The following VPS11 variants were observed in gnomAD, a reference collection of about 807,000 sequenced individuals.
VPS11 encodes the protein vacuolar protein sorting-associated protein 11 homolog.
VPS11 carries 51 observed loss-of-function variants against 106.8 expected under a neutral mutation model. That is an observed-to-expected ratio of 0.48 (90% CI 0.38 to 0.60). VPS11 has a LOEUF of 0.60. Ranked by LOEUF, VPS11 falls within the 20% of genes least tolerant of loss-of-function variation. VPS11 has a pLI of 0.00. For synonymous variants in VPS11, 453 were observed against 458.7 expected, an observed-to-expected ratio of 0.99 and a Z score of 0.16; for missense variants, 950 against 1,190.0, an observed-to-expected ratio of 0.80 and a Z score of 2.97.
Position 119,081,832 on chromosome 11 carries a change from C to A in VPS11, c.*209C>A. ...CCTCCTCTTCACTAGCAGTGTAGAT[C>A]ATTCCAGATCAGTGGGGGAGGGCAC... On this transcript the variant is annotated 3_prime_UTR_variant, in exon 16 of 16. Transcript: ENST00000621676. 1 of 661,198 alleles carries A rather than the reference C, an allele frequency of 1.5e-6. No individual in the cohort carries two copies. Among genetic ancestry groups the A allele is most frequent in the Non-Finnish European group, 2.5e-6 (1 of 401,452 alleles). 41.0% of individuals were successfully genotyped at this position (661,198 alleles called of 1,614,324 possible).
Position 119,069,858 on chromosome 11 carries a change from T to C in VPS11, c.472+281T>C, listed in dbSNP as rs140791503. On this transcript the variant is annotated intron_variant, in intron 3 of 15. Coordinates refer to ENST00000621676, the MANE Select transcript of VPS11 (RefSeq NM_021729.6). ...TACTAAAAATACAAAATTAGTTGGGTGTAGTGGCACATGCCTGTAATCCCA... is the reference window on the plus strand; with the variant it reads ...TACTAAAAATACAAAATTAGTTGGGCGTAGTGGCACATGCCTGTAATCCCA... 8.7e-4 allele frequency among the ~76,000 whole-genome samples: 132 copies of C among 151,852 alleles called. No homozygotes were observed. The East Asian group carries it at 0.016, about 18-fold the overall frequency.
intron 4 of VPS11, 101 bp downstream of exon 4, chr11:119,070,498 GT>G (rs1258336906): frequency 8.0e-7 from 1 of 1,246,126 alleles, no homozygotes; most frequent in Non-Finnish European, 1.1e-6. Flanking sequence ...GAGTGTTAAA[GT>G]TTTAATCATA....
chr11:119,070,146 C>G, intron 3 of VPS11, 88 bp from the exon 4 acceptor site: 1 of 1,383,040 alleles, frequency 7.2e-7, no homozygotes, highest in Non-Finnish European at 9.8e-7. Context: ...AAGCTTGTCA[C>G]TTCTGAGTGC....
At position 119,070,374 on chromosome 11, in the gene VPS11, G is replaced by T; in HGVS notation, c.613G>T (p.Val205Phe). 2 of 1,613,224 alleles carry T rather than the reference G, an allele frequency of 1.2e-6. No individual in the cohort carries two copies. Among genetic ancestry groups the T allele is most frequent in the Non-Finnish European group, 1.7e-6 (2 of 1,179,470 alleles). ...RQAGKTTHLF[V>F]VTTENVQSYI... ...AGCAGGAAAGACCACTCACTTGTTTGTTGTGACAACAGAGAACGTCCAGGT... is the reference window on the plus strand; with the variant it reads ...AGCAGGAAAGACCACTCACTTGTTTTTTGTGACAACAGAGAACGTCCAGGT... Residue 205 changes from valine (V) to phenylalanine (F), a missense_variant, in exon 4 of 16, where the codon GTT becomes TTT. Coordinates refer to ENST00000621676, the MANE Select transcript of VPS11 (RefSeq NM_021729.6).
chr11:119,077,422 C>G (rs1945666639), intron 8 of VPS11, 79 bp from the exon 9 acceptor site: 2 of 1,531,022 alleles, frequency 1.3e-6, no homozygotes, highest in South Asian at 1.2e-5. Flanking sequence ...CCTTAGGAAT[C>G]TGAAAGTCAG....
At position 119,081,842 on chromosome 11, in the gene VPS11, C is replaced by G; in HGVS notation, c.*219C>G. 1 of 630,038 alleles carries G rather than the reference C, an allele frequency of 1.6e-6. No homozygotes were observed. The highest frequency in any genetic ancestry group is 2.6e-6 in the Non-Finnish European group (1 of 378,202). The allele number at this position is 630,038 out of a possible 1,614,324, so 39.0% of individuals were successfully genotyped here. The stretch of plus-strand genomic sequence containing the variant: ...ACTAGCAGTGTAGATCATTCCAGAT[C>G]AGTGGGGGAGGGCACCTCAGCAACC... On this transcript the variant is annotated 3_prime_UTR_variant, in exon 16 of 16. Coordinates refer to ENST00000621676, the MANE Select transcript of VPS11 (RefSeq NM_021729.6).
intron 14 of VPS11, among the ~76,000 whole-genome samples, 166 bp from the exon 15 acceptor site, chr11:119,080,926 G>A (rs1464538886): frequency 2.6e-5 from 4 of 152,220 alleles, no homozygotes; most frequent in Non-Finnish European, 5.9e-5. Context: ...GTCCAGGGCT[G>A]TTGTATTCAT....
chr11:119,078,004 C>T lies in VPS11; in HGVS notation c.1699C>T (p.Leu567Phe). Reference protein sequence around the residue: ...PEQTTQLLKGLCTDYRPSLEG... With the variant: ...PEQTTQLLKGFCTDYRPSLEG... ...GCAGACAACTCAGTTGCTGAAGGGACTTTGTACTGATTATCGGCCCAGCCT... is the reference window on the plus strand; with the variant it reads ...GCAGACAACTCAGTTGCTGAAGGGATTTTGTACTGATTATCGGCCCAGCCT... Residue 567 changes from leucine to phenylalanine, a missense_variant, in exon 10 of 16, where the codon CTT (leucine) becomes TTT (phenylalanine). Physicochemically the swap from Leu to Phe is conservative, Grantham distance 22 (BLOSUM62 0). This residue lies in a region of VPS11 where 453 missense variants were observed against 514.6 expected (regional missense o/e 0.88). Transcript: ENST00000621676. 6.2e-7 allele frequency: 1 copy of T among 1,613,714 alleles called. No individual in the cohort carries two copies. The highest frequency in any genetic ancestry group is 8.5e-7 in the Non-Finnish European group (1 of 1,179,880).
intron 14 of VPS11, among the ~76,000 whole-genome samples, chr11:119,079,562 A>G (rs1945771635): frequency 1.3e-5 from 2 of 152,082 alleles, no homozygotes; most frequent in Non-Finnish European, 2.9e-5. Context: ...ACACATCCGT[A>G]TTGTGGTTGG....
chr11:119,081,701 G>C lies in VPS11; in HGVS notation c.*78G>C. 4.5e-6 allele frequency: 7 copies of C among 1,538,616 alleles called. No individual in the cohort carries two copies. The highest frequency in any genetic ancestry group is 5.3e-6 in the Non-Finnish European group (6 of 1,138,252). On this transcript the variant is annotated 3_prime_UTR_variant, in exon 16 of 16. Coordinates refer to ENST00000621676, the MANE Select transcript of VPS11 (RefSeq NM_021729.6). The stretch of plus-strand genomic sequence containing the variant: ...ATGGGACCTGGGCGGGCGTTACACA[G>C]AAGGCTGGCTGACATGCCCAGGGCT...
In VPS11 at chr11:119,077,882, A is replaced by G. The variant is rs976705036; in HGVS notation, c.1577A>G (p.Tyr526Cys). 1.1e-5 allele frequency: 17 copies of G among 1,613,944 alleles called. No individual in the cohort carries two copies. The Admixed American group carries it at 2.7e-4, about 25-fold the overall frequency. Residue 526 changes from tyrosine to cysteine, a missense_variant, in exon 10 of 16, where the codon TAT (tyrosine) becomes TGT (cysteine). Transcript: ENST00000621676. ...CTGCCCTTTACTTTTCCACAGAATT[A>G]TCAGGAAGCCCTTCGATACATCGGC... ...LKIQLEDIKN[Y>C]QEALRYIGKL...
At position 119,067,910 on chromosome 11, in the gene VPS11, C is replaced by T. The variant is rs141677018; in HGVS notation, c.87C>T (p.Pro29=). 1.2e-4 allele frequency: 198 copies of T among 1,606,522 alleles called. No homozygotes were observed. In the African/African-American group the frequency reaches 2.2e-3, roughly 18 times the overall value. The change falls in exon 1 of 16, where the codon CCC becomes CCT. Residue 29 remains proline, a synonymous_variant. Coordinates refer to ENST00000621676, the MANE Select transcript of VPS11 (RefSeq NM_021729.6). The part of the protein sequence containing the change: ...KEPLSNDGAA[P]GATPASGSAA... ...CGCTGAGCAATGATGGGGCCGCTCC[C>T]GGGGCCACACCTGCTTCTGGATCCG...
At chr11:119,080,190 A>G (rs1036237596) in intron 14 of VPS11, among the ~76,000 whole-genome samples, 1 of 144,154 alleles carries the variant, frequency 6.9e-6, no homozygotes. Flanking sequence ...TCCTGAGTAG[A>G]TGGAATTACA....
In VPS11 at chr11:119,073,864, G is replaced by A. The variant is rs782298570; in HGVS notation, c.1151G>A (p.Ser384Asn). ...CTTGCCAAGAGCCAGCATCTGGACAGTGATGGGCTGGCCCAGATTTTCATG... is the reference window on the plus strand; with the variant it reads ...CTTGCCAAGAGCCAGCATCTGGACAATGATGGGCTGGCCCAGATTTTCATG... The part of the protein sequence containing the change: ...INLAKSQHLD[S>N]DGLAQIFMQY... The change falls in exon 7 of 16, where the codon AGT becomes AAT. Residue 384 changes from serine to asparagine, a missense_variant. Ser to Asn is a conservative substitution (Grantham distance 46). Transcript: ENST00000621676. 6.2e-7 allele frequency: 1 copy of A among 1,613,862 alleles called. No individual in the cohort carries two copies. Among genetic ancestry groups the A allele is most frequent in the Non-Finnish European group, 8.5e-7 (1 of 1,179,884 alleles).
rs782480928 is a variant in VPS11 at position 119,077,874 on chromosome 11, A to G, written c.1573-4A>G. ...ACACTATTCTGCCCTTTACTTTTCC[A>G]CAGAATTATCAGGAAGCCCTTCGAT... is the stretch of plus-strand genomic sequence containing the variant. On this transcript the variant is annotated splice_polypyrimidine_tract_variant and splice_region_variant and intron_variant, in intron 9 of 15. Transcript: ENST00000621676. The G allele has an allele frequency of 6.2e-7, 1 of 1,613,884 alleles. No homozygotes were observed. Among genetic ancestry groups the G allele is most frequent in the South Asian group, 1.1e-5 (1 of 91,070 alleles).
chr11:119,078,035 G>C lies in VPS11; in HGVS notation c.1730G>C (p.Gly577Ala). The change falls in exon 10 of 16, where the codon GGC (glycine) becomes GCC (alanine). Residue 577 changes from glycine to alanine, a missense_variant. Transcript: ENST00000621676. ...ACTGATTATCGGCCCAGCCTCGAAGGCCGCAGCGATAGGGAGGCCCCAGGC... is the reference window on the plus strand; with the variant it reads ...ACTGATTATCGGCCCAGCCTCGAAGCCCGCAGCGATAGGGAGGCCCCAGGC... ...LCTDYRPSLE[G>A]RSDREAPGCR... 2 of 1,612,278 alleles carry C rather than the reference G, an allele frequency of 1.2e-6. No homozygotes were observed. Among genetic ancestry groups the C allele is most frequent in the Non-Finnish European group, 8.5e-7 (1 of 1,179,870 alleles).
At chr11:119,072,867 A>T in intron 5 of VPS11, 1 of 252,880 alleles carries the variant, frequency 4.0e-6, no homozygotes, top group Non-Finnish European at 7.7e-6. Flanking sequence ...TCCCTGTTAG[A>T]TGCTGGTTTG....
chr11:119,071,478 A>G (rs1945389624), intron 4 of VPS11, 118 bp from the exon 5 acceptor site: 1 of 1,333,060 alleles, frequency 7.5e-7, no homozygotes, highest in African/African-American at 1.5e-5. Flanking sequence ...CAGCCAAGAG[A>G]AAGACTTTAG....
At chr11:119,070,602 A>C in intron 4 of VPS11, 2 of 407,964 alleles carry the variant, frequency 4.9e-6, no homozygotes, top group South Asian at 6.7e-5. Flanking sequence ...AAAGATGTGA[A>C]TTTTCTTTCT....
Sources: allele counts gnomAD v4.1 joint callset (sites outside exome capture counted in the v4.1 genomes callset), GRCh38; gene constraint gnomAD v4.1.1; regional missense constraint gnomAD v4.1.1; transcripts MANE v1.5; gene names NCBI Gene and HGNC (gene_info 2026-07-23, HGNC 2026-07-21).